Variants in CPLX2 observed in about 807,000 individuals in gnomAD.
CPLX2 encodes complexin 2, also known as complexin-2.
Under a neutral mutation model 16.3 loss-of-function variants are expected in CPLX2, and 5 were observed. That is an observed-to-expected ratio of 0.31 (90% CI 0.16 to 0.64). CPLX2 has a LOEUF of 0.64. Ranked by LOEUF, CPLX2 falls within the 30% of genes least tolerant of loss-of-function variation. The probability of loss-of-function intolerance (pLI) is 0.79; values close to 1 mark genes in which losing one functional copy is unlikely to be tolerated. For missense variants in CPLX2, 144 were observed against 181.4 expected, an observed-to-expected ratio of 0.79 and a Z score of 1.18; for synonymous variants, 89 against 73.2, an observed-to-expected ratio of 1.22 and a Z score of -1.10.
At chr5:175,808,834 C>T (rs953095055) in intron 1 of CPLX2, among the ~76,000 whole-genome samples, 3 of 152,186 alleles carry the variant, frequency 2.0e-5, no homozygotes, top group African/African-American at 2.4e-5. Flanking sequence ...GGTCCCATCC[C>T]GCCCAGCCCT....
rs1316476695 is a variant in CPLX2, at chr5:175,872,517, G to A, written c.-89+812G>A. ...GAGATCCAGGACAGAGCTGCTGGGGGTGTGGGTCTCCGCGGGGGTCCGGGA... is the reference window on the plus strand; with the variant it reads ...GAGATCCAGGACAGAGCTGCTGGGGATGTGGGTCTCCGCGGGGGTCCGGGA... On this transcript the variant is annotated intron_variant, in intron 1 of 3. Transcript: ENST00000393745. The surrounding 1 kb of genome is among the most constrained non-coding windows in gnomAD (Gnocchi z 5.0). Among the ~76,000 whole-genome samples, 4 of 152,248 alleles carry A rather than the reference G, an allele frequency of 2.6e-5. No homozygotes were observed. In the East Asian group the frequency reaches 7.7e-4, roughly 29 times the overall value.
rs1012999966 is a variant in CPLX2, at chr5:175,809,740, C to T, written c.-89+672C>T. Among the ~76,000 whole-genome samples, 2 of 152,178 alleles carry T rather than the reference C, an allele frequency of 1.3e-5. No homozygotes were observed. The highest frequency in any genetic ancestry group is 2.4e-5 in the African/African-American group (1 of 41,442). ...CACACCCGGCATCCCTCATCCACAT[C>T]GCCTCTTCCCCACCACCCACGACCA... On this transcript the variant is annotated intron_variant, in intron 2 of 4. Transcript: ENST00000359546. The surrounding 1 kb of genome is among the most constrained non-coding windows in gnomAD (Gnocchi z 4.4).
intron 1 of CPLX2, 121 bp from the exon 2 acceptor site, chr5:175,878,531 T>TCTTGACCTCAGAGGGCATCG: frequency 3.3e-6 from 2 of 614,552 alleles, no homozygotes; most frequent in Non-Finnish European, 5.9e-6. Context: ...GGGCATTGGG[T>TCTTGACCTCAGAGGGCATCG]CTTGACCTCA....
At chr5:175,839,527 C>T (rs888641575) in intron 2 of CPLX2, among the ~76,000 whole-genome samples, 5 of 152,134 alleles carry the variant, frequency 3.3e-5, no homozygotes, top group Non-Finnish European at 5.9e-5. Context: ...TCAGGTGATC[C>T]GCCCACCTCA....
intron 1 of CPLX2, chr5:175,873,089 CCCCACCCACCCCCACT>C (rs1458608117): frequency 4.6e-5 from 6 of 130,096 alleles, no homozygotes; most frequent in East Asian, 2.9e-4. Context: ...GCGCAGCATC[CCCCACCCACCCCCACT>C]CCCACCCACC....
intron 1 of CPLX2, among the ~76,000 whole-genome samples, chr5:175,874,970 G>C (rs527445046): frequency 6.6e-6 from 1 of 152,336 alleles, no homozygotes; most frequent in African/African-American, 2.4e-5. Context: ...AGCTGGAAAA[G>C]GTGGGGGGAG....
At chr5:175,805,636 CA>C (rs1254499396) in intron 1 of CPLX2, 1 of 152,386 alleles carries the variant, frequency 6.6e-6, no homozygotes, top group Non-Finnish European at 1.5e-5. Flanking sequence ...GTCTAGTGGT[CA>C]GGGGGCATCC....
intron 1 of CPLX2, among the ~76,000 whole-genome samples, chr5:175,804,506 T>G (rs1246419042): frequency 6.6e-6 from 1 of 152,066 alleles, no homozygotes; most frequent in African/African-American, 2.4e-5. Context: ...AGCCTCAATT[T>G]CCCCATCTGT....
chr5:175,821,972 G>A (rs1758517968), intron 2 of CPLX2, among the ~76,000 whole-genome samples: 1 of 152,202 alleles, frequency 6.6e-6, no homozygotes, highest in South Asian at 2.1e-4. Flanking sequence ...AGGAAGAGGT[G>A]ATGTTTTTAG....
intron 2 of CPLX2, among the ~76,000 whole-genome samples, chr5:175,821,413 C>CT (rs1042940462): frequency 3.3e-5 from 5 of 151,832 alleles, no homozygotes; most frequent in Admixed American, 3.3e-4. Context: ...TTTCCTTTTT[C>CT]TTTTTTTTCT....
chr5:175,861,157 C>T (rs1302728330), intron 2 of CPLX2, among the ~76,000 whole-genome samples: 3 of 152,088 alleles, frequency 2.0e-5, no homozygotes, highest in East Asian at 3.9e-4. Context: ...TATTTCAACC[C>T]CAAGTAGGTG....
intron 1 of CPLX2, among the ~76,000 whole-genome samples, chr5:175,799,552 A>ATATATATATATATATT (rs1758052142): frequency 7.5e-6 from 1 of 133,362 alleles, no homozygotes; most frequent in African/African-American, 3.0e-5. Context: ...ATATATATAT[A>ATATATATATATATATT]TATATATATA....
At chr5:175,848,580 G>A (rs1759093501) in intron 2 of CPLX2, among the ~76,000 whole-genome samples, 1 of 152,230 alleles carries the variant, frequency 6.6e-6, no homozygotes, top group Non-Finnish European at 1.5e-5. Context: ...CAGAGCCACA[G>A]GAAGGGTGGG....
intron 2 of CPLX2, among the ~76,000 whole-genome samples, chr5:175,818,123 G>A (rs1397117090): frequency 6.6e-6 from 1 of 152,196 alleles, no homozygotes; most frequent in Non-Finnish European, 1.5e-5. Flanking sequence ...GAAACCATTT[G>A]AGTATTGCTG....
Position 175,833,473 on chromosome 5 carries a change from G to A in CPLX2, c.-89+24405G>A, listed in dbSNP as rs573608690. 3.3e-5 allele frequency among the ~76,000 whole-genome samples: 5 copies of A among 152,266 alleles called. No individual in the cohort carries two copies. The East Asian group carries it at 7.7e-4, about 23-fold the overall frequency. ...GCTGTACAAGGGACACAGGGGACTC[G>A]TTTCCAAGTTGGAAAGTCAAGAAAA... On this transcript the variant is annotated intron_variant, in intron 2 of 4. Transcript: ENST00000359546.
At chr5:175,834,956 G>A (rs992625283) in intron 2 of CPLX2, among the ~76,000 whole-genome samples, 5 of 152,208 alleles carry the variant, frequency 3.3e-5, no homozygotes, top group African/African-American at 9.6e-5. Context: ...GGACAGGGTC[G>A]GGGAAGAGTG....
At chr5:175,851,380 C>G (rs1407258940) in intron 2 of CPLX2, among the ~76,000 whole-genome samples, 2 of 152,108 alleles carry the variant, frequency 1.3e-5, no homozygotes, top group Non-Finnish European at 2.9e-5. Flanking sequence ...GCCATGTGTC[C>G]TGGGTCATAA....
intron 2 of CPLX2, among the ~76,000 whole-genome samples, chr5:175,813,472 C>T (rs1364674935): frequency 6.6e-6 from 1 of 152,194 alleles, no homozygotes; most frequent in Non-Finnish European, 1.5e-5. Flanking sequence ...GTGGTTGAAC[C>T]TAGAACCATG....
At chr5:175,834,871 C>G (rs185443485) in intron 2 of CPLX2, among the ~76,000 whole-genome samples, 135 of 152,234 alleles carry the variant, frequency 8.9e-4, no homozygotes, top group African/African-American at 3.0e-3. Context: ...GAGATCCTGT[C>G]TCAAAAACAA....
Sources: gnomAD v4.1 joint callset for allele counts (sites outside exome capture counted in the v4.1 genomes callset) on GRCh38, gnomAD v4.1.1 for gene constraint, Gnocchi (gnomAD v3.1) non-coding constraint, MANE v1.5 for transcripts, NCBI Gene and HGNC (gene_info 2026-07-23, HGNC 2026-07-21) for gene names.